SNX29: variants seen among roughly 807,000 people sequenced by gnomAD.
SNX29 encodes the protein sorting nexin 29, also known as sorting nexin-29.
A neutral mutation model predicts 102.1 loss-of-function variants in SNX29; 78 were observed. The observed-to-expected ratio is 0.76, with a 90% confidence interval of 0.64 to 0.92. The LOEUF (loss-of-function observed/expected upper bound fraction) is 0.92, where lower values mean the gene tolerates loss of function less well. Among genes scored for constraint, SNX29 ranks in the 40% least tolerant of loss-of-function variants. SNX29 has a pLI of 0.00. For missense variants in SNX29, 1,280 were observed against 1,061.7 expected (o/e 1.21, Z -2.86); for synonymous variants, 580 against 414.5 (o/e 1.40, Z -4.85).
At chr16:12,067,973 T>G (rs1249192729) in intron 9 of SNX29, among the ~76,000 whole-genome samples, 2 of 151,338 alleles carry the variant, frequency 1.3e-5, no homozygotes, top group Non-Finnish European at 2.9e-5. Context: ...GTGAATGCCT[T>G]TCCTAAATGC....
chr16:12,003,084 GAA>G, intron 3 of SNX29, 41 bp downstream of exon 3: 1 of 1,612,114 alleles, frequency 6.2e-7, no homozygotes, highest in South Asian at 1.1e-5. Flanking sequence ...ATCGAGGTTG[GAA>G]AGGCGGCAGA....
At chr16:12,553,734 C>G (rs961217377) in intron 20 of SNX29, among the ~76,000 whole-genome samples, 41 of 151,994 alleles carry the variant, frequency 2.7e-4, no homozygotes, top group African/African-American at 9.7e-4. Flanking sequence ...ATTATATGCA[C>G]ATGCCACCAC....
At chr16:12,461,945 G>C (rs2086791186) in intron 18 of SNX29, among the ~76,000 whole-genome samples, 1 of 96,886 alleles carries the variant, frequency 1.0e-5, no homozygotes, top group South Asian at 4.2e-4. Context: ...GACAGAGCGA[G>C]ACTCTGTCTC....
intron 19 of SNX29, chr16:12,515,537 C>T: frequency 2.0e-6 from 1 of 491,446 alleles, no homozygotes; most frequent in Non-Finnish European, 4.0e-6. Context: ...TGGATGACTG[C>T]AGCAGCATCC....
At chr16:12,544,437 CT>C (rs2077491818) in intron 20 of SNX29, among the ~76,000 whole-genome samples, 1 of 152,198 alleles carries the variant, frequency 6.6e-6, no homozygotes, top group Non-Finnish European at 1.5e-5. Flanking sequence ...TTGGACGTTT[CT>C]CTTTCTCTAC....
chr16:12,293,882 T>A (rs1018831149), intron 15 of SNX29, among the ~76,000 whole-genome samples: 1 of 152,208 alleles, frequency 6.6e-6, no homozygotes, highest in African/African-American at 2.4e-5. Flanking sequence ...CCAGGCATAT[T>A]CCTAAGCACT....
chr16:12,421,473 C>G (rs1250248321), intron 18 of SNX29, among the ~76,000 whole-genome samples: 1 of 152,182 alleles, frequency 6.6e-6, no homozygotes, highest in Non-Finnish European at 1.5e-5. Context: ...GGAAATATTC[C>G]TAGATCTTTC....
intron 15 of SNX29, among the ~76,000 whole-genome samples, chr16:12,293,780 G>C (rs930790702): frequency 1.3e-5 from 2 of 152,166 alleles, no homozygotes; most frequent in African/African-American, 2.4e-5. Flanking sequence ...GAGCCATTCT[G>C]TTCTTTTGGA....
At chr16:12,565,663 G>T (rs1250411762) in intron 20 of SNX29, among the ~76,000 whole-genome samples, 1 of 152,220 alleles carries the variant, frequency 6.6e-6, no homozygotes, top group African/African-American at 2.4e-5. Flanking sequence ...ACAGCTCAGT[G>T]CACGTCCCGA....
chr16:12,525,200 C>G lies in SNX29; in HGVS notation c.2318+359C>G, dbSNP rs150452302. Among the ~76,000 whole-genome samples the G allele has an allele frequency of 3.3e-3, 495 of 152,220 alleles. 4 individuals are homozygous for G. Among genetic ancestry groups the G allele is most frequent in the African/African-American group, 0.011 (467 of 41,522 alleles). ...ACAAATTGTGTCAGTGTTTCTCAAG[C>G]TTGGGTAATGAACCCAAGGAAAGTT... On this transcript the variant is annotated intron_variant, in intron 20 of 20. Coordinates refer to ENST00000566228, the MANE Select transcript of SNX29 (RefSeq NM_032167.5).
intron 18 of SNX29, among the ~76,000 whole-genome samples, chr16:12,423,588 C>T (rs574225358): frequency 2.0e-5 from 3 of 152,028 alleles, no homozygotes; most frequent in East Asian, 1.9e-4. Context: ...TTCTTCTTCT[C>T]GAGATGGAGT....
chr16:12,192,278 G>A (rs2076661720), intron 13 of SNX29, among the ~76,000 whole-genome samples: 1 of 152,158 alleles, frequency 6.6e-6, no homozygotes. Context: ...GCTTGTTTGG[G>A]GCTGGGAGTG....
chr16:12,218,072 A>G (rs973882574), intron 14 of SNX29, among the ~76,000 whole-genome samples: 2 of 150,718 alleles, frequency 1.3e-5, no homozygotes, highest in Non-Finnish European at 2.9e-5. Flanking sequence ...TGAATTATGG[A>G]AGGCTCTATT....
chr16:12,435,317 T>C (rs1224849171), intron 18 of SNX29, among the ~76,000 whole-genome samples: 2 of 152,240 alleles, frequency 1.3e-5, no homozygotes, highest in South Asian at 2.1e-4. Context: ...GCCTTACAAC[T>C]GTTTCTTAAA....
At chr16:12,440,404 TC>T (rs1477353090) in intron 18 of SNX29, among the ~76,000 whole-genome samples, 13 of 152,158 alleles carry the variant, frequency 8.5e-5, no homozygotes, top group Non-Finnish European at 7.3e-5. Context: ...ACCCTTCCCC[TC>T]CTAGCCCTTG....
chr16:12,431,886 G>A (rs4780436), intron 18 of SNX29, among the ~76,000 whole-genome samples: 62,853 of 151,918 alleles, frequency 0.41, 13,260 homozygotes, highest in Non-Finnish European at 0.46. Flanking sequence ...CTTTCTTTCA[G>A]CTAACCAGGC....
At chr16:12,515,588 T>C (rs1481444778) in intron 19 of SNX29, 1 of 490,420 alleles carries the variant, frequency 2.0e-6, no homozygotes, top group East Asian at 4.8e-5. Context: ...CCTCTGAATC[T>C]TCAGGTGACC....
rs111710415 is a variant in SNX29 at position 12,559,571 on chromosome 16, T to C, written c.2319-8935T>C. Among the ~76,000 whole-genome samples, 1,058 of 152,092 alleles carry C rather than the reference T, an allele frequency of 7.0e-3. 15 individuals are homozygous for C. The highest frequency in any genetic ancestry group is 0.024 in the African/African-American group (1,014 of 41,436). On this transcript the variant is annotated intron_variant, in intron 20 of 20. Transcript: ENST00000566228. ...ATCTGTGGAAAATTTTTCTTATACA[T>C]AACTCATCCCTGGTGCCAAAAAGGT...
chr16:12,151,334 C>T (rs1477244892), intron 13 of SNX29, among the ~76,000 whole-genome samples: 5 of 152,210 alleles, frequency 3.3e-5, no homozygotes, highest in Non-Finnish European at 7.3e-5. Context: ...TAGCAACAGT[C>T]TCTTAATATC....
Sources: allele counts gnomAD v4.1 joint callset (sites outside exome capture counted in the v4.1 genomes callset), GRCh38; gene constraint gnomAD v4.1.1; transcripts MANE v1.5; gene names NCBI Gene and HGNC (gene_info 2026-07-23, HGNC 2026-07-21).